The following C7orf78 variants were observed in gnomAD, a reference collection of about 807,000 sequenced individuals.
C7orf78 encodes chromosome 7 open reading frame 78.
the C7orf78 span, among the ~76,000 whole-genome samples, chr7:12,490,563 T>C: frequency 5.9e-5 from 9 of 152,046 alleles, no homozygotes; most frequent in African/African-American, 2.2e-4. Context: ...AGGGATAGGA[T>C]ATGGGGAGGG....
the C7orf78 span, among the ~76,000 whole-genome samples, chr7:12,538,746 G>C: frequency 1.3e-5 from 2 of 152,012 alleles, no homozygotes; most frequent in East Asian, 3.9e-4. Flanking sequence ...CCTCCATACG[G>C]CTCACCAAAT....
the C7orf78 span, among the ~76,000 whole-genome samples, chr7:12,498,215 C>G: frequency 6.6e-6 from 1 of 151,966 alleles, no homozygotes; most frequent in East Asian, 1.9e-4. Context: ...TCACCAGCAA[C>G]GGAACAAAGC....
the C7orf78 span, among the ~76,000 whole-genome samples, chr7:12,540,381 G>T: frequency 0.19 from 28,721 of 152,158 alleles, 2,907 homozygotes; most frequent in East Asian, 0.32. Context: ...GTATTTAGAA[G>T]TCCTTAATTT....
the C7orf78 span, among the ~76,000 whole-genome samples, chr7:12,489,930 A>ATC: frequency 6.6e-6 from 1 of 152,092 alleles, no homozygotes; most frequent in Non-Finnish European, 1.5e-5. Context: ...CCCTGAGGGG[A>ATC]TCTCTAAAAG....
chr7:12,518,970 G>C, the C7orf78 span, among the ~76,000 whole-genome samples: 2,686 of 152,200 alleles, frequency 0.018, 74 homozygotes, highest in African/African-American at 0.061. Flanking sequence ...ATGTGCACTA[G>C]AGTACAGAAC....
the C7orf78 span, among the ~76,000 whole-genome samples, chr7:12,527,057 G>C: frequency 7.7e-6 from 1 of 129,438 alleles, no homozygotes; most frequent in Non-Finnish European, 1.6e-5. Flanking sequence ...CACTATGGTA[G>C]AAAATGCCAC....
the C7orf78 span, chr7:12,530,360 G>A: frequency 1.3e-5 from 2 of 152,130 alleles, no homozygotes; most frequent in Non-Finnish European, 2.9e-5. Flanking sequence ...AGTATATTTG[G>A]GGGTAAAATA....
chr7:12,503,620 T>A, the C7orf78 span, among the ~76,000 whole-genome samples: 23 of 151,834 alleles, frequency 1.5e-4, no homozygotes, highest in East Asian at 1.4e-3. Context: ...TTTTTTTTTT[T>A]AATTATACTT....
the C7orf78 span, among the ~76,000 whole-genome samples, chr7:12,493,257 G>A: frequency 2.0e-5 from 3 of 152,190 alleles, no homozygotes; most frequent in African/African-American, 7.2e-5. Flanking sequence ...GATATGTAGT[G>A]TTTTAATTGT....
chr7:12,526,363 A>T, the C7orf78 span, among the ~76,000 whole-genome samples: 2 of 152,132 alleles, frequency 1.3e-5, no homozygotes, highest in Non-Finnish European at 2.9e-5. Flanking sequence ...ACATACACAC[A>T]TGCATGCTAT....
chr7:12,513,767 G>A, the C7orf78 span, among the ~76,000 whole-genome samples: 2 of 152,230 alleles, frequency 1.3e-5, no homozygotes, highest in Non-Finnish European at 1.5e-5. Context: ...TTGGGAGGCC[G>A]AGGCGGGTGG....
chr7:12,511,157 A>G, the C7orf78 span, among the ~76,000 whole-genome samples: 5 of 152,058 alleles, frequency 3.3e-5, no homozygotes, highest in Non-Finnish European at 7.4e-5. Flanking sequence ...TCCCCAATGT[A>G]GGTTCTTGGT....
the C7orf78 span, chr7:12,492,082 C>T: frequency 2.6e-5 from 4 of 152,256 alleles, no homozygotes; most frequent in South Asian, 8.3e-4. Flanking sequence ...TGCTGACTCA[C>T]CCTCTCTCTG....
chr7:12,486,333 T>G, the C7orf78 span, among the ~76,000 whole-genome samples: 1 of 152,028 alleles, frequency 6.6e-6, no homozygotes, highest in African/African-American at 2.4e-5. Flanking sequence ...TGTAAGTTCA[T>G]ATGAATTTTG....
the C7orf78 span, among the ~76,000 whole-genome samples, chr7:12,487,878 A>C: frequency 6.6e-6 from 1 of 152,086 alleles, no homozygotes; most frequent in East Asian, 1.9e-4. Context: ...ACCAATAAGA[A>C]CCAAACAAGC....
chr7:12,524,798 T>C, the C7orf78 span, among the ~76,000 whole-genome samples: 1 of 140,200 alleles, frequency 7.1e-6, no homozygotes, highest in African/African-American at 2.6e-5. Context: ...AGCCGAGATC[T>C]CACCACTGCA....
At chr7:12,533,427 C>A in the C7orf78 span, among the ~76,000 whole-genome samples, 1 of 151,974 alleles carries the variant, frequency 6.6e-6, no homozygotes, top group African/African-American at 2.4e-5. Flanking sequence ...TCTCGAACTC[C>A]TGACCTCAGG....
At chr7:12,492,511 G>T in the C7orf78 span, among the ~76,000 whole-genome samples, 1 of 152,188 alleles carries the variant, frequency 6.6e-6, no homozygotes, top group Non-Finnish European at 1.5e-5. Flanking sequence ...TTTGATTTCA[G>T]ATTGGTAGAT....
chr7:12,488,318 T>A, the C7orf78 span, among the ~76,000 whole-genome samples: 2 of 152,194 alleles, frequency 1.3e-5, no homozygotes, highest in South Asian at 4.1e-4. Flanking sequence ...TTAAATTTCC[T>A]ATATCTGAGA....
Sources: allele counts gnomAD v4.1 joint callset (sites outside exome capture counted in the v4.1 genomes callset), GRCh38; gene constraint gnomAD v4.1.1; transcripts MANE v1.5; gene names NCBI Gene and HGNC (gene_info 2026-07-23, HGNC 2026-07-21).